The following KDM4C variants were observed in gnomAD, a reference collection of about 807,000 sequenced individuals.
KDM4C encodes lysine-specific demethylase 4C.
Under a neutral mutation model 129.3 loss-of-function variants are expected in KDM4C, and 81 were observed. The observed-to-expected ratio is 0.63, with a 90% confidence interval of 0.52 to 0.75. The LOEUF is 0.75. KDM4C is among the 30% of genes least tolerant of loss of function. The pLI, the probability that KDM4C is intolerant of heterozygous loss-of-function variation, is 0.00. For missense variants in KDM4C, 1,457 were observed against 1,304.0 expected (o/e 1.12, Z -1.81); for synonymous variants, 573 against 456.1 (o/e 1.26, Z -3.26).
chr9:6,969,712 C>T (rs999139222), intron 8 of KDM4C, among the ~76,000 whole-genome samples: 2 of 152,100 alleles, frequency 1.3e-5, no homozygotes. Context: ...TCTGGAGGAC[C>T]GTTTTTATTT....
At chr9:6,958,820 C>T (rs1052877629) in intron 8 of KDM4C, among the ~76,000 whole-genome samples, 8 of 151,860 alleles carry the variant, frequency 5.3e-5, no homozygotes, top group African/African-American at 1.7e-4. Flanking sequence ...AGGTGCGCAC[C>T]ACCACACTGG....
At chr9:7,147,587 A>G (rs555615181) in intron 19 of KDM4C, among the ~76,000 whole-genome samples, 1 of 152,294 alleles carries the variant, frequency 6.6e-6, no homozygotes, top group East Asian at 1.9e-4. Flanking sequence ...TCTTTCCTAT[A>G]TAGATGGAGC....
chr9:6,915,360 G>C (rs1381802390), intron 8 of KDM4C, among the ~76,000 whole-genome samples: 3 of 152,152 alleles, frequency 2.0e-5, no homozygotes, highest in Non-Finnish European at 2.9e-5. Flanking sequence ...GGTAACAAAA[G>C]AAAATGACCT....
intron 17 of KDM4C, among the ~76,000 whole-genome samples, chr9:7,101,552 C>T (rs1363250734): frequency 2.0e-5 from 3 of 151,920 alleles, no homozygotes; most frequent in Admixed American, 6.5e-5. Context: ...GGTTTACTTC[C>T]TAAGGAAACT....
rs114948537 is a variant in KDM4C at position 7,169,269 on chromosome 9, T to A, written c.2902-529T>A. ...TTCGCCAGATAAAGTTTTCATATCC[T>A]GTATTCCAAGACACTCATTTCCAAG... is the stretch of plus-strand genomic sequence containing the variant. On this transcript the variant is annotated intron_variant, in intron 20 of 21. Transcript: ENST00000381309. Among the ~76,000 whole-genome samples the A allele has an allele frequency of 2.0e-3, 304 of 152,336 alleles. 1 individual carries two copies. The highest frequency in any genetic ancestry group is 6.9e-3 in the African/African-American group (287 of 41,586).
intron 20 of KDM4C, among the ~76,000 whole-genome samples, chr9:7,165,704 G>A (rs185138457): frequency 2.4e-4 from 36 of 152,340 alleles, no homozygotes; most frequent in East Asian, 9.6e-4. Flanking sequence ...CCAAGACAGC[G>A]ATGGCCACTC....
chr9:7,111,717 A>T (rs1587699243), intron 18 of KDM4C, among the ~76,000 whole-genome samples: 1 of 152,136 alleles, frequency 6.6e-6, no homozygotes, highest in African/African-American at 2.4e-5. Context: ...GGGAGTCAGG[A>T]TGGAGTGGTG....
chr9:7,131,726 C>G (rs545432843), intron 19 of KDM4C, among the ~76,000 whole-genome samples: 1 of 152,212 alleles, frequency 6.6e-6, no homozygotes, highest in East Asian at 1.9e-4. Context: ...GTACCCTGCT[C>G]AGTACCCTAA....
chr9:6,901,418 G>A (rs182953543), intron 8 of KDM4C, among the ~76,000 whole-genome samples: 1 of 152,156 alleles, frequency 6.6e-6, no homozygotes, highest in Non-Finnish European at 1.5e-5. Flanking sequence ...TGGTGTAGCA[G>A]CTCAGCAACC....
chr9:7,086,168 A>T lies in KDM4C; in HGVS notation c.2425-17517A>T, dbSNP rs530603753. 1.8e-4 allele frequency among the ~76,000 whole-genome samples: 28 copies of T among 152,328 alleles called. No individual in the cohort carries two copies. The South Asian group carries it at 4.3e-3, about 24-fold the overall frequency. ...GCCAGACCCCGTCTCAAAAAAAACA[A>T]AAACAGTTATTCTTTTCCAGCATAT... On this transcript the variant is annotated intron_variant, in intron 17 of 21. Coordinates refer to ENST00000381309, the MANE Select transcript of KDM4C (RefSeq NM_015061.6).
intron 15 of KDM4C, among the ~76,000 whole-genome samples, chr9:7,032,681 TG>T (rs912315353): frequency 3.3e-5 from 5 of 152,200 alleles, no homozygotes; most frequent in African/African-American, 1.2e-4. Context: ...GGATCACTCT[TG>T]TGTGTCCTAA....
chr9:6,738,813 G>T (rs936323993), intron 1 of KDM4C, among the ~76,000 whole-genome samples: 1 of 151,096 alleles, frequency 6.6e-6, no homozygotes, highest in Non-Finnish European at 1.5e-5. Flanking sequence ...TGGCCAGGCT[G>T]GTCTTGAACT....
intron 12 of KDM4C, among the ~76,000 whole-genome samples, chr9:6,992,125 C>T (rs540482977): frequency 1.3e-5 from 2 of 151,990 alleles, no homozygotes; most frequent in African/African-American, 4.8e-5. Context: ...GTATAATGCT[C>T]ATGATTGTAA....
intron 17 of KDM4C, among the ~76,000 whole-genome samples, chr9:7,060,919 C>A (rs1382490866): frequency 1.3e-5 from 2 of 152,180 alleles, no homozygotes; most frequent in Non-Finnish European, 1.5e-5. Flanking sequence ...GTTCCTCTTC[C>A]CCTACTGTCC....
intron 19 of KDM4C, among the ~76,000 whole-genome samples, chr9:7,143,256 T>C (rs900987745): frequency 1.4e-4 from 22 of 152,222 alleles, no homozygotes; most frequent in African/African-American, 4.8e-4. Context: ...GGAAAGTAAC[T>C]GAGGATGCTA....
intron 5 of KDM4C, among the ~76,000 whole-genome samples, chr9:6,867,366 C>A (rs1333983863): frequency 1.3e-5 from 2 of 152,062 alleles, no homozygotes; most frequent in East Asian, 1.9e-4. Context: ...AGGAGTGAAT[C>A]CAGCTTGCTT....
Position 6,980,986 on chromosome 9 carries a change from C to G in KDM4C, c.983C>G (p.Pro328Arg). 1.2e-6 allele frequency: 2 copies of G among 1,613,726 alleles called. No individual in the cohort carries two copies. The highest frequency in any genetic ancestry group is 1.7e-6 in the Non-Finnish European group (2 of 1,179,776). ...GATATCTTTGTGAGGAAATTTCAGCCAGACAGATATCAGCTTTGGAAACAA... is the reference window on the plus strand; with the variant it reads ...GATATCTTTGTGAGGAAATTTCAGCGAGACAGATATCAGCTTTGGAAACAA... ...SMDIFVRKFQ[P>R]DRYQLWKQGK... The change falls in exon 9 of 22, where the codon CCA (proline) becomes CGA (arginine). Residue 328 changes from proline to arginine, a missense_variant. Pro to Arg is a moderately radical substitution (Grantham distance 103). Coordinates refer to ENST00000381309, the MANE Select transcript of KDM4C (RefSeq NM_015061.6).
intron 1 of KDM4C, among the ~76,000 whole-genome samples, chr9:6,732,763 AG>A (rs1445414651): frequency 6.6e-6 from 1 of 151,906 alleles, no homozygotes; most frequent in Non-Finnish European, 1.5e-5. Context: ...CTATAACTGC[AG>A]CACTTTGGGA....
At chr9:7,162,112 G>C (rs977971121) in intron 19 of KDM4C, among the ~76,000 whole-genome samples, 1 of 152,222 alleles carries the variant, frequency 6.6e-6, no homozygotes, top group Admixed American at 6.5e-5. Context: ...CTGGTGCAGG[G>C]TGAGAAAGGA....
Sources: allele counts gnomAD v4.1 joint callset (sites outside exome capture counted in the v4.1 genomes callset), GRCh38; gene constraint gnomAD v4.1.1; transcripts MANE v1.5; gene names NCBI Gene and HGNC (gene_info 2026-07-23, HGNC 2026-07-21).